The following CERT1 variants were observed in gnomAD, a reference collection of about 807,000 sequenced individuals.
CERT1 encodes the protein ceramide transfer protein.
CERT1 carries 31 observed loss-of-function variants against 87.9 expected under a neutral mutation model. The ratio of observed to expected loss-of-function variants is 0.35; its 90% CI spans 0.27 to 0.48. CERT1 has a LOEUF of 0.48. Ranked by LOEUF, CERT1 falls within the 20% of genes least tolerant of loss-of-function variation. The pLI, the probability that CERT1 is intolerant of heterozygous loss-of-function variation, is 0.99. For synonymous variants in CERT1, 289 were observed against 250.9 expected (o/e 1.15, Z -1.44); for missense variants, 487 against 758.0 (o/e 0.64, Z 4.20).
chr5:75,418,132 G>A (rs1235158415), intron 6 of CERT1, among the ~76,000 whole-genome samples: 1 of 152,056 alleles, frequency 6.6e-6, no homozygotes, highest in East Asian at 1.9e-4. Context: ...CTCCAGCCTG[G>A]GTAACAAGAG....
At chr5:75,465,113 T>C (rs1255858110) in intron 2 of CERT1, among the ~76,000 whole-genome samples, 1 of 152,182 alleles carries the variant, frequency 6.6e-6, no homozygotes, top group Non-Finnish European at 1.5e-5. Context: ...AGAGTTTATA[T>C]ATACAATTCT....
intron 2 of CERT1, among the ~76,000 whole-genome samples, chr5:75,482,530 G>GTAAA (rs1366629694): frequency 1.3e-5 from 2 of 152,228 alleles, no homozygotes; most frequent in African/African-American, 2.4e-5. Context: ...TAGGCCTTGA[G>GTAAA]TAAATACCAG....
chr5:75,383,680 T>C (rs1010492058), intron 14 of CERT1, among the ~76,000 whole-genome samples: 2 of 151,864 alleles, frequency 1.3e-5, no homozygotes, highest in Non-Finnish European at 2.9e-5. Flanking sequence ...AACAGACTTA[T>C]AATGTTTTCA....
intron 2 of CERT1, among the ~76,000 whole-genome samples, chr5:75,498,475 GC>G (rs1767182477): frequency 6.6e-6 from 1 of 152,202 alleles, no homozygotes; most frequent in Non-Finnish European, 1.5e-5. Context: ...TTGGGACCTG[GC>G]GCCCTGTGTC....
At chr5:75,442,835 T>C (rs1363642270) in intron 3 of CERT1, among the ~76,000 whole-genome samples, 1 of 152,198 alleles carries the variant, frequency 6.6e-6, no homozygotes, top group Non-Finnish European at 1.5e-5. Flanking sequence ...CTCACATTCA[T>C]GTAACTTTTA....
chr5:75,511,229 G>C lies in CERT1; in HGVS notation c.-22C>G. ...ACATGGAGGCTCGACAACCGAGCAG[G>C]AGACCGGCCCCCGCTCCCTCAGCTG... On this transcript the variant is annotated 5_prime_UTR_variant, in exon 1 of 17. Coordinates refer to ENST00000643780, the MANE Select transcript of CERT1 (RefSeq NM_001379029.1). 1.9e-6 allele frequency: 3 copies of C among 1,611,540 alleles called. No individual in the cohort carries two copies. In the South Asian group the frequency reaches 3.3e-5, roughly 18 times the overall value.
chr5:75,460,111 T>C (rs1322817987), intron 2 of CERT1, among the ~76,000 whole-genome samples: 1 of 151,862 alleles, frequency 6.6e-6, no homozygotes, highest in Non-Finnish European at 1.5e-5. Context: ...GCTAAAAGCA[T>C]ATATATTTTT....
intron 2 of CERT1, among the ~76,000 whole-genome samples, chr5:75,501,328 C>T (rs61678717): frequency 0.073 from 11,059 of 152,044 alleles, 473 homozygotes; most frequent in South Asian, 0.15. Flanking sequence ...GTTTTCCTTC[C>T]AAAAATATTA....
chr5:75,423,635 G>A (rs984966293), intron 5 of CERT1, among the ~76,000 whole-genome samples: 3 of 152,124 alleles, frequency 2.0e-5, no homozygotes, highest in African/African-American at 7.2e-5. Flanking sequence ...TAGCCAGTTC[G>A]GAAGTTGAGG....
chr5:75,396,656 G>C (rs940701982), intron 11 of CERT1, among the ~76,000 whole-genome samples: 1 of 151,572 alleles, frequency 6.6e-6, no homozygotes, highest in Non-Finnish European at 1.5e-5. Flanking sequence ...TTGAATCCAG[G>C]GGGCAGAGGG....
chr5:75,431,364 G>T (rs1309019374), intron 3 of CERT1, among the ~76,000 whole-genome samples: 2 of 152,104 alleles, frequency 1.3e-5, no homozygotes, highest in African/African-American at 4.8e-5. Context: ...GCCTCTAACT[G>T]CATCCATTTC....
downstream of CERT1, chr5:75,375,706 A>C (rs1761275999): frequency 6.7e-6 from 1 of 148,936 alleles, no homozygotes; most frequent in African/African-American, 2.4e-5. Context: ...GATCTTATTA[A>C]CTCTTTACAG....
intron 7 of CERT1, among the ~76,000 whole-genome samples, chr5:75,415,723 T>G (rs1763106616): frequency 6.6e-6 from 1 of 152,040 alleles, no homozygotes; most frequent in Non-Finnish European, 1.5e-5. Context: ...CTTGAACCAT[T>G]AGTCTAATGT....
chr5:75,503,605 C>T (rs1767484872), intron 2 of CERT1, among the ~76,000 whole-genome samples: 1 of 151,822 alleles, frequency 6.6e-6, no homozygotes, highest in African/African-American at 2.4e-5. Flanking sequence ...TTCCTATCAT[C>T]CATTTCATTG....
Position 75,497,485 on chromosome 5 carries a change from T to C in CERT1, c.231+8497A>G, listed in dbSNP as rs1302222423. Reference sequence around the variant, plus strand: ...GTACCTTTGGCTGTAAGCAGTGATATGGTTTGGCTGCATCCCCATCCAAAT... The same window carrying C: ...GTACCTTTGGCTGTAAGCAGTGATACGGTTTGGCTGCATCCCCATCCAAAT... On this transcript the variant is annotated intron_variant, in intron 2 of 16. Transcript: ENST00000643780. Among the ~76,000 whole-genome samples, 4 of 152,134 alleles carry C rather than the reference T, an allele frequency of 2.6e-5. No homozygotes were observed. In the East Asian group the frequency reaches 5.8e-4, roughly 22 times the overall value.
At chr5:75,375,615 AAATAAATAAATAAATAAAAT>A (rs1761266957), downstream of CERT1, 1 of 145,226 alleles carries the variant, frequency 6.9e-6, no homozygotes, top group African/African-American at 2.6e-5. Flanking sequence ...ATAAATAAAT[AAATAAATAAATAAATAAAAT>A]AAATAAAAAT....
In CERT1 at chr5:75,506,062, C is replaced by A; in HGVS notation, c.151G>T (p.Ala51Ser). 6.2e-7 allele frequency: 1 copy of A among 1,612,950 alleles called. No homozygotes were observed. The highest frequency in any genetic ancestry group is 2.2e-5 in the East Asian group (1 of 44,826). ...QDRWVVLKNN[A>S]LSYYKSEDET... ...TCTTCAGATTTGTAGTAACTCAGAG[C>A]ATTATTTTTCAAAACTACCCAACGA... The change falls in exon 2 of 17, where the codon GCT (alanine) becomes TCT (serine). Residue 51 changes from alanine to serine, a missense_variant. Transcript: ENST00000643780.
At chr5:75,426,088 T>C (rs1469892921) in intron 4 of CERT1, among the ~76,000 whole-genome samples, 7 of 152,226 alleles carry the variant, frequency 4.6e-5, no homozygotes, top group African/African-American at 1.7e-4. Flanking sequence ...TACTGACCAG[T>C]TTTTCCCATA....
In CERT1 at chr5:75,400,211, G is replaced by A. The variant is rs564849044; in HGVS notation, c.1104C>T (p.Val368=). Residue 368 remains valine, a synonymous_variant, in exon 10 of 17, where the codon GTC becomes GTT. Transcript: ENST00000643780. ...AACTCTGACATTAGCTTACCTTTTG[G>A]ACAAATCTATGTGTCCCCACAGAAG... The part of the protein sequence containing the change: ...AFSSVGTHRF[V]QKPYSRSSSM... 2.5e-6 allele frequency: 4 copies of A among 1,605,906 alleles called. No homozygotes were observed. In the South Asian group the frequency reaches 4.4e-5, roughly 18 times the overall value.
Sources: gnomAD v4.1 joint callset for allele counts (sites outside exome capture counted in the v4.1 genomes callset) on GRCh38, gnomAD v4.1.1 for gene constraint, MANE v1.5 for transcripts, NCBI Gene and HGNC (gene_info 2026-07-23, HGNC 2026-07-21) for gene names.